NEDD4L: variants seen among roughly 807,000 people sequenced by gnomAD.
The protein encoded by NEDD4L is NEDD4 like E3 ubiquitin protein ligase.
NEDD4L carries 54 observed loss-of-function variants against 148.9 expected under a neutral mutation model. The observed-to-expected ratio is 0.36, with a 90% confidence interval of 0.29 to 0.45. The LOEUF (loss-of-function observed/expected upper bound fraction) is 0.45. NEDD4L is among the 20% of genes least tolerant of loss of function. NEDD4L has a pLI of 1.00. For synonymous variants in NEDD4L, 433 were observed against 440.7 expected (o/e 0.98, Z 0.22); for missense variants, 856 against 1,233.8 (o/e 0.69, Z 4.59).
chr18:58,391,240 G>C (rs1391364748), intron 29 of NEDD4L, among the ~76,000 whole-genome samples: 3 of 152,120 alleles, frequency 2.0e-5, no homozygotes, highest in African/African-American at 7.2e-5. Context: ...GCCTTTCCAC[G>C]TAACTGTTGT....
intron 2 of NEDD4L, among the ~76,000 whole-genome samples, chr18:58,193,102 CTA>C (rs1256085332): frequency 1.3e-5 from 2 of 152,052 alleles, no homozygotes; most frequent in Admixed American, 6.5e-5. Flanking sequence ...AGATGCGAGA[CTA>C]TTTCTTGATT....
chr18:58,075,971 C>T (rs950294704), intron 1 of NEDD4L, among the ~76,000 whole-genome samples: 11 of 152,122 alleles, frequency 7.2e-5, no homozygotes, highest in East Asian at 1.9e-4. Context: ...GATTTTCCCC[C>T]GGTTTAGCAA....
At chr18:58,058,494 G>T (rs971976355) in intron 1 of NEDD4L, among the ~76,000 whole-genome samples, 1 of 152,212 alleles carries the variant, frequency 6.6e-6, no homozygotes, top group African/African-American at 2.4e-5. Flanking sequence ...AGCCATTCCA[G>T]TTTCTTGTAG....
Position 58,330,907 on chromosome 18 carries a change from C to A in NEDD4L, c.983C>A (p.Ser328Tyr). The A allele has an allele frequency of 6.2e-7, 1 of 1,613,294 alleles. No individual in the cohort carries two copies. Among genetic ancestry groups the A allele is most frequent in the Non-Finnish European group, 8.5e-7 (1 of 1,179,428 alleles). The change falls in exon 11 of 31, where the codon TCT becomes TAT. Residue 328 changes from serine to tyrosine, a missense_variant. By Grantham distance (144) the Ser-to-Tyr change is moderately radical. Coordinates refer to ENST00000400345, the MANE Select transcript of NEDD4L (RefSeq NM_001144967.3). ...TPDSNGEQFS[S>Y]LIQREPSSRL... is the part of the protein sequence containing the mutation. Reference sequence around the variant, plus strand: ...GACTCCAATGGGGAACAGTTCAGCTCTTTGATTGTAAGTAGTGGCCTTGTT... The same window carrying A: ...GACTCCAATGGGGAACAGTTCAGCTATTTGATTGTAAGTAGTGGCCTTGTT...
chr18:58,240,856 C>T (rs1310230937), intron 2 of NEDD4L, among the ~76,000 whole-genome samples: 1 of 152,054 alleles, frequency 6.6e-6, no homozygotes, highest in Non-Finnish European at 1.5e-5. Context: ...TTCTCTGTCA[C>T]CCAGGTGCAG....
chr18:58,201,104 G>A (rs1192133745), intron 2 of NEDD4L, among the ~76,000 whole-genome samples: 2 of 152,154 alleles, frequency 1.3e-5, no homozygotes, highest in South Asian at 2.1e-4. Flanking sequence ...AGGCCAAGGC[G>A]GGCAGATCAC....
At chr18:58,187,913 TC>T (rs2039650252) in intron 2 of NEDD4L, among the ~76,000 whole-genome samples, 1 of 152,176 alleles carries the variant, frequency 6.6e-6, no homozygotes, top group South Asian at 2.1e-4. Flanking sequence ...GTTCTAACTT[TC>T]TAAAGAGCTG....
intron 5 of NEDD4L, among the ~76,000 whole-genome samples, chr18:58,276,460 C>T (rs1307853919): frequency 2.0e-5 from 3 of 151,988 alleles, no homozygotes; most frequent in East Asian, 1.9e-4. Context: ...CTGCCCACCT[C>T]GGCCTTTCAA....
At chr18:58,162,125 C>T (rs564577152) in intron 1 of NEDD4L, among the ~76,000 whole-genome samples, 8 of 152,330 alleles carry the variant, frequency 5.3e-5, no homozygotes, top group Non-Finnish European at 1.2e-4. Context: ...GCCAGAATCT[C>T]TCTCCAATTG....
intron 2 of NEDD4L, among the ~76,000 whole-genome samples, chr18:58,180,924 G>A (rs547959642): frequency 6.6e-6 from 1 of 152,140 alleles, no homozygotes; most frequent in Non-Finnish European, 1.5e-5. Flanking sequence ...TGTATTGGGG[G>A]GGTTACAGCA....
At chr18:58,374,328 T>G (rs1476126575) in intron 24 of NEDD4L, among the ~76,000 whole-genome samples, 1 of 151,618 alleles carries the variant, frequency 6.6e-6, no homozygotes, top group Non-Finnish European at 1.5e-5. Context: ...ACCTGGGGAG[T>G]CCATAGGGCC....
intron 5 of NEDD4L, among the ~76,000 whole-genome samples, chr18:58,279,341 A>C (rs1374696346): frequency 2.6e-5 from 4 of 152,224 alleles, no homozygotes; most frequent in African/African-American, 9.7e-5. Flanking sequence ...ACGAAGAAGA[A>C]GACACAAATG....
intron 5 of NEDD4L, among the ~76,000 whole-genome samples, chr18:58,288,790 A>G (rs2054281490): frequency 6.6e-6 from 1 of 152,190 alleles, no homozygotes; most frequent in Non-Finnish European, 1.5e-5. Flanking sequence ...TAGATACTGC[A>G]AACTTGCTTC....
In NEDD4L at chr18:58,248,942, G is replaced by A; in HGVS notation, c.243+5G>A. The A allele has an allele frequency of 2.1e-6, 3 of 1,440,426 alleles. No homozygotes were observed. Among genetic ancestry groups the A allele is most frequent in the Non-Finnish European group, 2.9e-6 (3 of 1,048,392 alleles). 89.2% of individuals were successfully genotyped at this position (1,440,426 alleles called of 1,614,324 possible). ...AATGAAGAATTTTATTTCAGGGTAA[G>A]TTTTTCATTGTTTGGTAATAATTGT... On this transcript the variant is annotated splice_donor_5th_base_variant and intron_variant, in intron 4 of 30. Transcript: ENST00000400345.
Position 58,391,541 on chromosome 18 carries a change from T to C in NEDD4L, c.2807T>C (p.Leu936Pro). 1 of 1,577,824 alleles carries C rather than the reference T, an allele frequency of 6.3e-7. No homozygotes were observed. Among genetic ancestry groups the C allele is most frequent in the Non-Finnish European group, 8.6e-7 (1 of 1,160,510 alleles). The part of the protein sequence containing the change: ...TIEQWGSPEK[L>P]PRAHTCFNRL... ...GAGCAATGGGGCAGTCCTGAGAAAC[T>C]GCCCAGAGCTCACACATGGTGAGTG... Residue 936 changes from leucine (L) to proline (P), a missense_variant, in exon 30 of 31, where the codon CTG becomes CCG. Physicochemically the swap from Leu to Pro is moderately conservative, Grantham distance 98. Around this residue, in one of 4 missense-constraint regions of NEDD4L, gnomAD observed 286 missense variants for 531.8 expected, o/e 0.54. Coordinates refer to ENST00000400345, the MANE Select transcript of NEDD4L (RefSeq NM_001144967.3).
At chr18:58,082,788 C>CA (rs376651872) in intron 1 of NEDD4L, among the ~76,000 whole-genome samples, 9,439 of 67,870 alleles carry the variant, frequency 0.14, 1,172 homozygotes, top group African/African-American at 0.36. Context: ...GACTCCATCT[C>CA]AAAAAAAAAA....
intron 1 of NEDD4L, among the ~76,000 whole-genome samples, chr18:58,084,175 G>A (rs895085875): frequency 6.6e-6 from 1 of 152,224 alleles, no homozygotes; most frequent in Admixed American, 6.5e-5. Flanking sequence ...TCCACATATT[G>A]TGTGATTATA....
chr18:58,044,550 C>CA lies in NEDD4L; in HGVS notation c.-110dup. 7.8e-7 allele frequency: 1 copy of CA among 1,283,446 alleles called. No individual in the cohort carries two copies. The highest frequency in any genetic ancestry group is 9.9e-7 in the Non-Finnish European group (1 of 1,006,784). The allele number at this position is 1,283,446 out of a possible 1,614,324, so 79.5% of individuals were successfully genotyped here. On this transcript the variant is annotated 5_prime_UTR_variant, in exon 1 of 31. Coordinates refer to ENST00000400345, the MANE Select transcript of NEDD4L (RefSeq NM_001144967.3). The stretch of plus-strand genomic sequence containing the variant: ...GGCCGCTTACCCGGCAGGGCGTGCG[C>CA]AGGGTAGGGTGCGGGACCGGGGGGA...
chr18:58,278,088 C>A (rs2052421318), intron 5 of NEDD4L, among the ~76,000 whole-genome samples: 1 of 152,046 alleles, frequency 6.6e-6, no homozygotes, highest in South Asian at 2.1e-4. Flanking sequence ...AAGATTCCTT[C>A]TTTTTTACAA....
Sources: gnomAD v4.1 joint callset for allele counts (sites outside exome capture counted in the v4.1 genomes callset) on GRCh38, gnomAD v4.1.1 for gene constraint, gnomAD v4.1.1 regional missense constraint, MANE v1.5 for transcripts, NCBI Gene and HGNC (gene_info 2026-07-23, HGNC 2026-07-21) for gene names.